C8orf34: variants seen among roughly 807,000 people sequenced by gnomAD.
C8orf34 encodes the protein chromosome 8 open reading frame 34, also known as uncharacterized protein C8orf34.
Under a neutral mutation model 68.3 loss-of-function variants are expected in C8orf34, and 65 were observed. The observed-to-expected ratio is 0.95, with a 90% CI of 0.78 to 1.17. C8orf34 has a LOEUF of 1.17. Ranked by LOEUF, C8orf34 falls within the 50% of genes most tolerant of loss-of-function variation. The pLI is 0.00. For synonymous variants in C8orf34, 244 were observed against 241.2 expected (o/e 1.01, Z -0.11); for missense variants, 664 against 655.4 (o/e 1.01, Z -0.14).
intron 10 of C8orf34, among the ~76,000 whole-genome samples, chr8:68,775,266 A>T (rs1262365074): frequency 6.6e-6 from 1 of 152,096 alleles, no homozygotes; most frequent in Non-Finnish European, 1.5e-5. Context: ...GATTCTGTAG[A>T]AACAAATGTA....
chr8:68,720,980 C>T (rs1328183362), intron 9 of C8orf34, among the ~76,000 whole-genome samples: 1 of 151,510 alleles, frequency 6.6e-6, no homozygotes, highest in Non-Finnish European at 1.5e-5. Context: ...AATTGTGTAA[C>T]CCCCCAAAAG....
chr8:68,692,329 A>G (rs1206244452), intron 8 of C8orf34, among the ~76,000 whole-genome samples: 5 of 152,116 alleles, frequency 3.3e-5, no homozygotes, highest in African/African-American at 1.2e-4. Context: ...GGTATAGGGG[A>G]AAATTCATAA....
At chr8:68,675,217 T>TCTGAAGGTACA (rs1291407542) in intron 8 of C8orf34, among the ~76,000 whole-genome samples, 1 of 151,852 alleles carries the variant, frequency 6.6e-6, no homozygotes, top group Non-Finnish European at 1.5e-5. Context: ...AAACAAAAAA[T>TCTGAAGGTACA]CTGAAGGTAC....
intron 8 of C8orf34, among the ~76,000 whole-genome samples, chr8:68,704,336 G>A (rs1283542004): frequency 1.3e-5 from 2 of 152,090 alleles, no homozygotes; most frequent in African/African-American, 4.8e-5. Flanking sequence ...GTGGTGGGGA[G>A]GGGTAGATAT....
intron 1 of C8orf34, among the ~76,000 whole-genome samples, chr8:68,381,545 A>T (rs1194636090): frequency 6.6e-6 from 1 of 151,102 alleles, no homozygotes; most frequent in Non-Finnish European, 1.5e-5. Context: ...ATCCTGGCTA[A>T]CAAGGTGAAA....
Position 68,669,570 on chromosome 8 carries a change from A to G in C8orf34, c.1241+29059A>G, listed in dbSNP as rs117005238. ...GGTGAACAAATGGGAAATTATCAGG[A>G]AAACAATAATATTGGGCATGATGCC... On this transcript the variant is annotated intron_variant, in intron 8 of 13. Transcript: ENST00000518698. Among the ~76,000 whole-genome samples, 276 of 152,344 alleles carry G rather than the reference A, an allele frequency of 1.8e-3. 5 individuals carry two copies. The East Asian group carries it at 0.048, about 26-fold the overall frequency.
intron 6 of C8orf34, among the ~76,000 whole-genome samples, chr8:68,523,426 C>T (rs1814842195): frequency 6.6e-6 from 1 of 152,146 alleles, no homozygotes; most frequent in Non-Finnish European, 1.5e-5. Flanking sequence ...AAGGGAGAAC[C>T]TCTTCTCTAA....
rs139661249 is a variant in C8orf34, at chr8:68,737,445, CT to C, written c.1404+16009del. Among the ~76,000 whole-genome samples, 1,187 of 152,110 alleles carry C rather than the reference CT, an allele frequency of 7.8e-3. 18 individuals carry two copies. The highest frequency in any genetic ancestry group is 0.027 in the African/African-American group (1,125 of 41,520). On this transcript the variant is annotated intron_variant, in intron 10 of 13. Transcript: ENST00000518698. Reference sequence around the variant, plus strand: ...TAAATAAAAATCCTTTGGTAACAGGCTAAATGCCTCAATTAAAAGGCACAGA... The same window carrying C: ...TAAATAAAAATCCTTTGGTAACAGGCAAATGCCTCAATTAAAAGGCACAGA...
chr8:68,459,766 A>G (rs937229418), intron 3 of C8orf34, among the ~76,000 whole-genome samples: 2 of 152,224 alleles, frequency 1.3e-5, no homozygotes, highest in African/African-American at 4.8e-5. Context: ...CTAAGTGTCC[A>G]TCAGCAGATA....
chr8:68,683,955 C>T (rs1004277178), intron 8 of C8orf34, among the ~76,000 whole-genome samples: 2 of 152,258 alleles, frequency 1.3e-5, no homozygotes, highest in Admixed American at 1.3e-4. Flanking sequence ...ACCCACAAAA[C>T]TCTTCTCAAG....
At chr8:68,501,748 T>A (rs1350262669) in intron 5 of C8orf34, among the ~76,000 whole-genome samples, 6 of 152,198 alleles carry the variant, frequency 3.9e-5, no homozygotes, top group African/African-American at 9.7e-5. Flanking sequence ...ATCTGTCCCG[T>A]GATCAATCCA....
chr8:68,818,114 C>A, intron 13 of C8orf34, 125 bp from the exon 14 acceptor site: 4 of 856,898 alleles, frequency 4.7e-6, no homozygotes, highest in Admixed American at 2.1e-5. Flanking sequence ...ATTCTAATGT[C>A]AATATCCTTT....
intron 8 of C8orf34, among the ~76,000 whole-genome samples, chr8:68,659,678 G>A (rs1458661110): frequency 6.6e-6 from 1 of 152,024 alleles, no homozygotes; most frequent in Non-Finnish European, 1.5e-5. Flanking sequence ...ACAAGGATCA[G>A]CAACATTTTA....
intron 7 of C8orf34, among the ~76,000 whole-genome samples, chr8:68,546,768 T>C (rs1815898202): frequency 6.6e-6 from 1 of 151,756 alleles, no homozygotes; most frequent in East Asian, 1.9e-4. Context: ...CATGATTAAA[T>C]TAGAAATCCA....
chr8:68,628,485 A>T (rs970892306), intron 7 of C8orf34, among the ~76,000 whole-genome samples: 2 of 152,112 alleles, frequency 1.3e-5, no homozygotes, highest in African/African-American at 4.8e-5. Context: ...AAATGTTTTC[A>T]TACACGTTTT....
At chr8:68,738,264 T>A (rs1822178735) in intron 10 of C8orf34, among the ~76,000 whole-genome samples, 1 of 151,942 alleles carries the variant, frequency 6.6e-6, no homozygotes, top group African/African-American at 2.4e-5. Context: ...AGAACAAAGA[T>A]AAAATGTTCC....
At chr8:68,672,450 G>C (rs1820044232) in intron 8 of C8orf34, among the ~76,000 whole-genome samples, 1 of 152,160 alleles carries the variant, frequency 6.6e-6, no homozygotes, top group Non-Finnish European at 1.5e-5. Context: ...GAGAATCTGT[G>C]GGCTTAGGGA....
At position 68,534,477 on chromosome 8, in the gene C8orf34, G is replaced by A. The variant is rs540238607; in HGVS notation, c.1105+1328G>A. 26 of 588,688 alleles carry A rather than the reference G, an allele frequency of 4.4e-5. No homozygotes were observed. The African/African-American group carries it at 4.7e-4, about 11-fold the overall frequency. The allele number at this position is 588,688 out of a possible 1,614,324, so 36.5% of individuals were successfully genotyped here. On this transcript the variant is annotated intron_variant, in intron 7 of 13. Coordinates refer to ENST00000518698, the MANE Select transcript of C8orf34 (RefSeq NM_052958.4). The stretch of plus-strand genomic sequence containing the variant: ...CATTGTAATGTTCAAGATACAATAC[G>A]TCACTACCTGTGCTAACTGCGCTAA...
At chr8:68,723,832 G>A (rs954395073) in intron 10 of C8orf34, among the ~76,000 whole-genome samples, 7 of 152,032 alleles carry the variant, frequency 4.6e-5, no homozygotes, top group African/African-American at 7.2e-5. Flanking sequence ...TTATTTGACC[G>A]AAGTTTTCAT....
Sources: gnomAD v4.1 joint callset for allele counts (sites outside exome capture counted in the v4.1 genomes callset) on GRCh38, gnomAD v4.1.1 for gene constraint, MANE v1.5 for transcripts, NCBI Gene and HGNC (gene_info 2026-07-23, HGNC 2026-07-21) for gene names.